GIMAP8: variants seen among roughly 807,000 people sequenced by gnomAD.
The protein encoded by GIMAP8 is GTPase, IMAP family member 8.
GIMAP8 carries 29 observed loss-of-function variants against 35.6 expected under a neutral mutation model. The ratio of observed to expected loss-of-function variants is 0.81; its 90% CI spans 0.61 to 1.11. The LOEUF (loss-of-function observed/expected upper bound fraction) is 1.11, where lower values mean the gene tolerates loss of function less well. Ranked by LOEUF, GIMAP8 falls within the 50% of genes most tolerant of loss-of-function variation. GIMAP8 has a pLI of 0.00. For synonymous variants in GIMAP8, 335 were observed against 308.7 expected (o/e 1.09, Z -0.89); for missense variants, 811 against 805.0 (o/e 1.01, Z -0.09).
chr7:150,470,738 T>G, intron 2 of GIMAP8, 91 bp from the exon 3 acceptor site: 1 of 875,938 alleles, frequency 1.1e-6, no homozygotes, highest in Non-Finnish European at 1.8e-6. Flanking sequence ...AATTAATACT[T>G]CAATTTCCTT....
chr7:150,455,480 GTC>G (rs1449680951), intron 1 of GIMAP8, among the ~76,000 whole-genome samples: 1 of 152,198 alleles, frequency 6.6e-6, no homozygotes, highest in Non-Finnish European at 1.5e-5. Context: ...TACACTAAAA[GTC>G]CAATGGACAA....
chr7:150,476,867 G>A (rs1343594111), intron 4 of GIMAP8, among the ~76,000 whole-genome samples: 2 of 152,170 alleles, frequency 1.3e-5, no homozygotes, highest in Admixed American at 6.5e-5. Flanking sequence ...AACCCTGGAC[G>A]GAGACTGTAT....
chr7:150,458,380 T>G (rs1801775160), intron 1 of GIMAP8, among the ~76,000 whole-genome samples: 1 of 152,170 alleles, frequency 6.6e-6, no homozygotes, highest in East Asian at 1.9e-4. Flanking sequence ...GTAAGCCTTT[T>G]ATTCTAATCA....
chr7:150,461,442 G>T (rs1801843096), intron 1 of GIMAP8, among the ~76,000 whole-genome samples: 2 of 151,986 alleles, frequency 1.3e-5, no homozygotes, highest in Admixed American at 1.3e-4. Flanking sequence ...ATACTCTCTT[G>T]CTCAGTTGAT....
intron 1 of GIMAP8, among the ~76,000 whole-genome samples, chr7:150,464,626 T>A (rs1801911907): frequency 6.6e-6 from 1 of 152,122 alleles, no homozygotes; most frequent in Admixed American, 6.5e-5. Context: ...GAGGATGTAG[T>A]GAGCTGTGGT....
rs1451793433 is a variant in GIMAP8 at position 150,477,352 on chromosome 7, G to T, written c.1570G>T (p.Gly524Trp). The T allele has an allele frequency of 6.2e-7, 1 of 1,614,106 alleles. No individual in the cohort carries two copies. Among genetic ancestry groups the T allele is most frequent in the Admixed American group, 1.7e-5 (1 of 60,012 alleles). Reference protein sequence around the residue: ...VKRCLSCCEKGDTFFVLVFQL... With the variant: ...VKRCLSCCEKWDTFFVLVFQL... ...GCGCTGTTTGTCCTGCTGTGAAAAA[G>T]GGGACACATTTTTTGTCCTGGTGTT... The change falls in exon 5 of 5, where the codon GGG becomes TGG. Residue 524 changes from glycine to tryptophan, a missense_variant. Gly to Trp is a radical substitution (Grantham distance 184). Coordinates refer to ENST00000307271, the MANE Select transcript of GIMAP8 (RefSeq NM_175571.4).
At chr7:150,466,306 T>C (rs994134693) in intron 1 of GIMAP8, among the ~76,000 whole-genome samples, 2 of 152,284 alleles carry the variant, frequency 1.3e-5, no homozygotes, top group Admixed American at 6.5e-5. Context: ...TAGGTGTAGG[T>C]TGGGTCCCAG....
intron 1 of GIMAP8, among the ~76,000 whole-genome samples, chr7:150,452,709 T>TATATATATATATATATATACAC (rs1373884339): frequency 1.8e-4 from 19 of 106,616 alleles, no homozygotes; most frequent in East Asian, 1.2e-3. Context: ...TATATATATA[T>TATATATATATATATATATACAC]ACATGCGAGT....
Position 150,467,310 on chromosome 7 carries a change from C to G in GIMAP8, c.612C>G (p.Phe204Leu). The change falls in exon 2 of 5, where the codon TTC (phenylalanine) becomes TTG (leucine). Residue 204 changes from phenylalanine to leucine, a missense_variant. Coordinates refer to ENST00000307271, the MANE Select transcript of GIMAP8 (RefSeq NM_175571.4). Reference sequence around the variant, plus strand: ...ACGGAGGACCCTATCATGTGAACTTCAAAACTGAAGGCAGCAGGTTTCAAG... The same window carrying G: ...ACGGAGGACCCTATCATGTGAACTTGAAAACTGAAGGCAGCAGGTTTCAAG... Reference protein sequence around the residue: ...NTNGGPYHVNFKTEGSRFQDC... With the variant: ...NTNGGPYHVNLKTEGSRFQDC... 1 of 1,611,872 alleles carries G rather than the reference C, an allele frequency of 6.2e-7. No individual in the cohort carries two copies. Among genetic ancestry groups the G allele is most frequent in the Non-Finnish European group, 8.5e-7 (1 of 1,178,202 alleles).
chr7:150,476,226 G>T (rs1228766405), intron 4 of GIMAP8, among the ~76,000 whole-genome samples: 1 of 152,204 alleles, frequency 6.6e-6, no homozygotes, highest in Admixed American at 6.5e-5. Flanking sequence ...TTCCTCCTTT[G>T]CATTGAAGTA....
In GIMAP8 at chr7:150,474,364, C is replaced by G; in HGVS notation, c.1035C>G (p.Ser345Arg). 1 of 1,614,150 alleles carries G rather than the reference C, an allele frequency of 6.2e-7. No homozygotes were observed. The change falls in exon 4 of 5, where the codon AGC (serine) becomes AGG (arginine). Residue 345 changes from serine to arginine, a missense_variant. Physicochemically the swap from Ser to Arg is moderately radical, Grantham distance 110. Transcript: ENST00000307271. ...FYTKNDEAVL[S>R]TIQNNFGEKF... is the part of the protein sequence containing the mutation. ...CTAAGAATGATGAGGCAGTGCTGAG[C>G]ACCATCCAAAACAATTTTGGAGAAA...
chr7:150,454,899 G>A lies in GIMAP8; in HGVS notation c.-29+3724G>A, dbSNP rs552972912. 1.5e-3 allele frequency among the ~76,000 whole-genome samples: 227 copies of A among 152,236 alleles called. 2 individuals carry two copies. Among genetic ancestry groups the A allele is most frequent in the African/African-American group, 5.2e-3 (217 of 41,536 alleles). On this transcript the variant is annotated intron_variant, in intron 1 of 4. Coordinates refer to ENST00000307271, the MANE Select transcript of GIMAP8 (RefSeq NM_175571.4). ...TCACGCCTGTAATCCCAGCATTTTG[G>A]AGGCTGAGGCGGGTGGATCACCTGA...
intron 1 of GIMAP8, among the ~76,000 whole-genome samples, chr7:150,452,709 T>TATAC (rs1373884339): frequency 5.3e-4 from 57 of 106,602 alleles, no homozygotes; most frequent in Middle Eastern, 4.9e-3. Flanking sequence ...TATATATATA[T>TATAC]ACATGCGAGT....
At position 150,474,459 on chromosome 7, in the gene GIMAP8, T is replaced by C; in HGVS notation, c.1130T>C (p.Phe377Ser). The change falls in exon 4 of 5, where the codon TTC becomes TCC. Residue 377 changes from phenylalanine (F) to serine (S), a missense_variant. Transcript: ENST00000307271. ...TTAGGGGATCAGGATCTAGATACGT[T>C]CTTAAGAAACAGCAATAAAGCTCTC... ...EDLGDQDLDT[F>S]LRNSNKALYG... The C allele has an allele frequency of 6.2e-7, 1 of 1,613,810 alleles. No individual in the cohort carries two copies. Among genetic ancestry groups the C allele is most frequent in the South Asian group, 1.1e-5 (1 of 91,052 alleles).
At chr7:150,455,046 G>C (rs1801696654) in intron 1 of GIMAP8, among the ~76,000 whole-genome samples, 1 of 151,498 alleles carries the variant, frequency 6.6e-6, no homozygotes, top group Non-Finnish European at 1.5e-5. Flanking sequence ...GCTGAGGCAG[G>C]AGAATCGCTT....
chr7:150,474,911 T>C (rs1344194996), intron 4 of GIMAP8, among the ~76,000 whole-genome samples: 1 of 151,772 alleles, frequency 6.6e-6, no homozygotes, highest in Non-Finnish European at 1.5e-5. Context: ...AGTGTGATAT[T>C]CCCCTTCCTG....
intron 4 of GIMAP8, among the ~76,000 whole-genome samples, chr7:150,475,031 A>ATGTCCCTTCAAAGGACATG (rs1802196078): frequency 6.6e-6 from 1 of 152,198 alleles, no homozygotes; most frequent in African/African-American, 2.4e-5. Context: ...AATTTCATCC[A>ATGTCCCTTCAAAGGACATG]TGTCCCTTCA....
intron 1 of GIMAP8, among the ~76,000 whole-genome samples, chr7:150,457,161 T>C (rs1197475606): frequency 6.6e-6 from 1 of 152,230 alleles, no homozygotes; most frequent in African/African-American, 2.4e-5. Flanking sequence ...AAGTATTCCT[T>C]AAGGAGAACA....
At position 150,477,055 on chromosome 7, in the gene GIMAP8, C is replaced by A. The variant is rs1255511025; in HGVS notation, c.1310-37C>A. 2 of 1,519,644 alleles carry A rather than the reference C, an allele frequency of 1.3e-6. 1 individual carries two copies. Among genetic ancestry groups the A allele is most frequent in the South Asian group, 2.3e-5 (2 of 86,076 alleles). 94.1% of individuals were successfully genotyped at this position (1,519,644 alleles called of 1,614,324 possible). ...ACTTTAAAATCCAATTTCAGATCAGCCCATGGTCACGAATCTTTCCCACTT... is the reference window on the plus strand; with the variant it reads ...ACTTTAAAATCCAATTTCAGATCAGACCATGGTCACGAATCTTTCCCACTT... On this transcript the variant is annotated intron_variant, in intron 4 of 4. Coordinates refer to ENST00000307271, the MANE Select transcript of GIMAP8 (RefSeq NM_175571.4).
Sources: gnomAD v4.1 joint callset for allele counts (sites outside exome capture counted in the v4.1 genomes callset) on GRCh38, gnomAD v4.1.1 for gene constraint, MANE v1.5 for transcripts, NCBI Gene and HGNC (gene_info 2026-07-23, HGNC 2026-07-21) for gene names.